FAM13A: variants seen among roughly 807,000 people sequenced by gnomAD.
FAM13A encodes the protein family with sequence similarity 13 member A.
A neutral mutation model predicts 129.6 loss-of-function variants in FAM13A; 76 were observed. That is an observed-to-expected ratio of 0.59 (90% CI 0.49 to 0.71). The LOEUF (loss-of-function observed/expected upper bound fraction) is 0.71. Among genes scored for constraint, FAM13A ranks in the 30% least tolerant of loss-of-function variants. FAM13A has a pLI of 0.00. For missense variants in FAM13A, 1,108 were observed against 1,249.3 expected (o/e 0.89, Z 1.70); for synonymous variants, 443 against 449.9 (o/e 0.98, Z 0.20).
At chr4:88,785,673 G>T (rs1266981455) in intron 10 of FAM13A, among the ~76,000 whole-genome samples, 1 of 152,194 alleles carries the variant, frequency 6.6e-6, no homozygotes, top group African/African-American at 2.4e-5. Context: ...GGGGAGAGGG[G>T]TTGCAGGAAA....
At chr4:88,782,023 A>C (rs1723046609) in intron 10 of FAM13A, among the ~76,000 whole-genome samples, 1 of 151,920 alleles carries the variant, frequency 6.6e-6, no homozygotes, top group Admixed American at 6.6e-5. Context: ...AAAAATTAAA[A>C]AAAAAGAAAT....
chr4:88,989,167 C>A (rs952992181), intron 4 of FAM13A, among the ~76,000 whole-genome samples: 1 of 151,918 alleles, frequency 6.6e-6, no homozygotes, highest in Non-Finnish European at 1.5e-5. Flanking sequence ...GAGATCTCAC[C>A]ACTGCACTCC....
At chr4:88,892,693 T>C (rs1251277768) in intron 6 of FAM13A, among the ~76,000 whole-genome samples, 1 of 152,052 alleles carries the variant, frequency 6.6e-6, no homozygotes, top group Non-Finnish European at 1.5e-5. Flanking sequence ...AATCTGGGAG[T>C]AAGTCAAGGA....
At chr4:89,002,176 CAAAAAAA>C (rs11370599) in intron 3 of FAM13A, among the ~76,000 whole-genome samples, 17,673 of 115,724 alleles carry the variant, frequency 0.15, 1,262 homozygotes, top group African/African-American at 0.24. Flanking sequence ...CACCCAACGG[CAAAAAAA>C]AAAAAAAAAA....
intron 20 of FAM13A, 72 bp downstream of exon 20, chr4:88,738,958 C>T: frequency 1.1e-6 from 1 of 933,276 alleles, no homozygotes; most frequent in Non-Finnish European, 1.8e-6. Flanking sequence ...CAGGTTAGGG[C>T]CCTATTCATA....
rs375224977 is a variant in FAM13A at position 88,880,510 on chromosome 4, G to GA, written c.843+25868dup. Among the ~76,000 whole-genome samples, 9 of 151,524 alleles carry GA rather than the reference G, an allele frequency of 5.9e-5. No homozygotes were observed. In the East Asian group the frequency reaches 7.8e-4, roughly 13 times the overall value. ...TGGGCAGGACTGCCAAAGGAACTGG[G>GA]AAAAAAAACCACAGGGAGAAGGAAC... On this transcript the variant is annotated intron_variant, in intron 6 of 23. Transcript: ENST00000264344.
chr4:89,057,041 A>G lies in FAM13A; in HGVS notation c.-77T>C. The G allele has an allele frequency of 6.3e-7, 1 of 1,599,684 alleles. No homozygotes were observed. The highest frequency in any genetic ancestry group is 8.5e-7 in the Non-Finnish European group (1 of 1,174,660). ...AACGACAGCAAAATACTAAAATTCC[A>G]TTCAGCACATATTCTTTGATGTGAA... On this transcript the variant is annotated 5_prime_UTR_variant, in exon 1 of 24. It removes an upstream start codon present in the reference 5' UTR. Transcript: ENST00000264344.
chr4:88,761,668 A>C (rs578001302), intron 13 of FAM13A, among the ~76,000 whole-genome samples: 18 of 152,150 alleles, frequency 1.2e-4, no homozygotes, highest in Non-Finnish European at 2.4e-4. Flanking sequence ...GGGGAATGGG[A>C]CATGACAAGG....
intron 4 of FAM13A, chr4:88,989,578 G>C (rs900307331): frequency 6.6e-6 from 1 of 152,130 alleles, no homozygotes; most frequent in African/African-American, 2.4e-5. Flanking sequence ...CTCTAGCCTG[G>C]GTAACAAAGT....
chr4:88,972,636 C>T (rs1760284212), intron 4 of FAM13A, among the ~76,000 whole-genome samples: 1 of 151,830 alleles, frequency 6.6e-6, no homozygotes, highest in Non-Finnish European at 1.5e-5. Flanking sequence ...AGAACAGAGT[C>T]TCACTCTGTT....
intron 4 of FAM13A, among the ~76,000 whole-genome samples, chr4:88,947,958 G>A (rs1338618206): frequency 2.0e-5 from 3 of 151,948 alleles, no homozygotes; most frequent in Admixed American, 6.6e-5. Flanking sequence ...CTATATTAAC[G>A]GTGTTAAAAT....
At chr4:88,871,825 C>A (rs141811660) in intron 6 of FAM13A, among the ~76,000 whole-genome samples, 2,646 of 152,158 alleles carry the variant, frequency 0.017, 23 homozygotes, top group Admixed American at 0.028. Flanking sequence ...AGAAAAGCAA[C>A]CCCAAGACAC....
Position 88,938,075 on chromosome 4 carries a change from C to T in FAM13A, c.759+13G>A, listed in dbSNP as rs1214146455. The T allele has an allele frequency of 6.2e-7, 1 of 1,607,616 alleles. No individual in the cohort carries two copies. Among genetic ancestry groups the T allele is most frequent in the South Asian group, 1.1e-5 (1 of 90,434 alleles). On this transcript the variant is annotated intron_variant, in intron 5 of 23. Coordinates refer to ENST00000264344, the MANE Select transcript of FAM13A (RefSeq NM_014883.4). ...TTATAGCAATACTGAAAATTAAAAA[C>T]CAAGTTGCTTACTTTTACTATGATA...
rs1158179811 is a variant in FAM13A at position 88,987,838 on chromosome 4, C to CAAAAAAAAAAA, written c.605+3124_605+3134dup. 4.6e-4 allele frequency among the ~76,000 whole-genome samples: 33 copies of CAAAAAAAAAAA among 71,194 alleles called. 5 individuals carry two copies. The highest frequency in any genetic ancestry group is 1.2e-3 in the South Asian group (2 of 1,646). 46.7% of individuals were successfully genotyped at this position (71,194 alleles called of 152,430 possible). On this transcript the variant is annotated intron_variant, in intron 4 of 23. Coordinates refer to ENST00000264344, the MANE Select transcript of FAM13A (RefSeq NM_014883.4). ...GCCTGGGTGACAGTGAGACTCCTCT[C>CAAAAAAAAAAA]AAAAAAAAAAAAAAAAACTTAATCT...
chr4:88,787,595 G>A (rs1190212033), intron 10 of FAM13A, among the ~76,000 whole-genome samples, 158 bp downstream of exon 10: 1 of 152,162 alleles, frequency 6.6e-6, no homozygotes, highest in Non-Finnish European at 1.5e-5. Flanking sequence ...ATGTAGCTAA[G>A]TTTAGAATGG....
At chr4:88,763,229 C>T (rs939684215) in intron 13 of FAM13A, among the ~76,000 whole-genome samples, 1 of 152,194 alleles carries the variant, frequency 6.6e-6, no homozygotes, top group Non-Finnish European at 1.5e-5. Context: ...CCTATAGGAA[C>T]TATAAACAAT....
At chr4:89,015,100 G>A (rs1251616837) in intron 3 of FAM13A, among the ~76,000 whole-genome samples, 1 of 152,166 alleles carries the variant, frequency 6.6e-6, no homozygotes, top group African/African-American at 2.4e-5. Context: ...ATAAGCCCTG[G>A]TCTCCTGTAG....
intron 4 of FAM13A, among the ~76,000 whole-genome samples, chr4:88,961,815 G>C (rs561130658): frequency 6.6e-6 from 1 of 152,032 alleles, no homozygotes; most frequent in Non-Finnish European, 1.5e-5. Context: ...TCATGTTAAA[G>C]GGCTGCAAAA....
intron 4 of FAM13A, among the ~76,000 whole-genome samples, chr4:88,952,661 C>T (rs1757118703): frequency 6.6e-6 from 1 of 152,084 alleles, no homozygotes; most frequent in African/African-American, 2.4e-5. Flanking sequence ...AAGTAGCAAA[C>T]TTGAGGCCCG....
Sources: allele counts gnomAD v4.1 joint callset (sites outside exome capture counted in the v4.1 genomes callset), GRCh38; gene constraint gnomAD v4.1.1; transcripts MANE v1.5; gene names NCBI Gene and HGNC (gene_info 2026-07-23, HGNC 2026-07-21).